PALLD: variants seen among roughly 807,000 people sequenced by gnomAD.
PALLD encodes the protein palladin, cytoskeletal associated protein.
In PALLD, 61 loss-of-function variants were observed where a neutral mutation model predicts 123.5. That is an observed-to-expected ratio of 0.49 (90% confidence interval 0.40 to 0.61). PALLD has a LOEUF of 0.61. Among genes scored for constraint, PALLD ranks in the 20% least tolerant of loss-of-function variants. The pLI is 0.00. For missense variants in PALLD, 1,273 were observed against 1,377.0 expected, an observed-to-expected ratio of 0.92 and a Z score of 1.20; for synonymous variants, 465 against 496.4, an observed-to-expected ratio of 0.94 and a Z score of 0.84.
intron 2 of PALLD, among the ~76,000 whole-genome samples, chr4:168,667,152 T>G (rs1239786117): frequency 6.6e-6 from 1 of 152,176 alleles, no homozygotes; most frequent in African/African-American, 2.4e-5. Context: ...TCAAATTAAA[T>G]TAGACAAAAA....
In PALLD at chr4:168,927,635, T is replaced by G; in HGVS notation, c.*1455T>G. 4.4e-6 allele frequency: 1 copy of G among 227,226 alleles called. No individual in the cohort carries two copies. Among genetic ancestry groups the G allele is most frequent in the Non-Finnish European group, 8.8e-6 (1 of 114,040 alleles). The allele number at this position is 227,226 out of a possible 1,614,324, so 14.1% of individuals were successfully genotyped here. On this transcript the variant is annotated 3_prime_UTR_variant, in exon 22 of 22. Coordinates refer to ENST00000505667, the MANE Select transcript of PALLD (RefSeq NM_001166108.2). ...CCAAGATGTGGTAAATGAAAATTAT[T>G]AGTTCACTTCCCTGCTGCCATGAAA...
intron 2 of PALLD, among the ~76,000 whole-genome samples, chr4:168,546,681 C>T (rs79438692): frequency 0.015 from 2,219 of 152,198 alleles, 32 homozygotes; most frequent in Non-Finnish European, 0.023. Flanking sequence ...TGAGGATACC[C>T]GCTGATACGT....
chr4:168,615,860 G>A (rs533304314), intron 2 of PALLD, among the ~76,000 whole-genome samples: 2 of 152,292 alleles, frequency 1.3e-5, no homozygotes, highest in Non-Finnish European at 2.9e-5. Flanking sequence ...TAGTCACACA[G>A]GGGAAGAATA....
At chr4:168,922,459 C>T (rs1008672690) in intron 18 of PALLD, among the ~76,000 whole-genome samples, 4 of 152,124 alleles carry the variant, frequency 2.6e-5, no homozygotes, top group African/African-American at 4.8e-5. Context: ...ATGAGATAAT[C>T]AGAGCAAATC....
chr4:168,895,357 G>A (rs369465788), intron 12 of PALLD, among the ~76,000 whole-genome samples: 1 of 152,196 alleles, frequency 6.6e-6, no homozygotes, highest in African/African-American at 2.4e-5. Context: ...ACTCCAGCCT[G>A]GCAGCAGAGT....
chr4:168,833,785 G>T (rs752856194), intron 10 of PALLD, among the ~76,000 whole-genome samples: 1 of 149,952 alleles, frequency 6.7e-6, no homozygotes, highest in Non-Finnish European at 1.5e-5. Flanking sequence ...TTCAGACTTG[G>T]CAGACTTTGA....
chr4:168,559,606 C>CAATA (rs1767656352), intron 2 of PALLD, among the ~76,000 whole-genome samples: 1 of 151,978 alleles, frequency 6.6e-6, no homozygotes, highest in South Asian at 2.1e-4. Flanking sequence ...ATCAAGAAAG[C>CAATA]AATACATAGG....
chr4:168,771,358 G>A (rs539041897), intron 10 of PALLD, among the ~76,000 whole-genome samples: 1 of 152,272 alleles, frequency 6.6e-6, no homozygotes, highest in Non-Finnish European at 1.5e-5. Context: ...ATGAACACAT[G>A]TATAATGTCT....
intron 2 of PALLD, among the ~76,000 whole-genome samples, chr4:168,597,735 G>T (rs1024847548): frequency 6.6e-6 from 1 of 151,824 alleles, no homozygotes; most frequent in African/African-American, 2.4e-5. Flanking sequence ...AAATTTTTAG[G>T]ATAGCTGATA....
intron 12 of PALLD, 93 bp downstream of exon 12, chr4:168,894,770 G>A: frequency 1.3e-6 from 2 of 1,545,438 alleles, no homozygotes; most frequent in South Asian, 2.4e-5. Flanking sequence ...TGAGTTCTGT[G>A]GAAAGTAGAG....
chr4:168,697,415 A>G (rs1783236860), intron 8 of PALLD, among the ~76,000 whole-genome samples: 1 of 152,250 alleles, frequency 6.6e-6, no homozygotes, highest in South Asian at 2.1e-4. Flanking sequence ...TGCATCAGGA[A>G]TGAAGGGCAA....
intron 10 of PALLD, among the ~76,000 whole-genome samples, chr4:168,859,851 A>G (rs1462391338): frequency 1.3e-5 from 2 of 152,234 alleles, no homozygotes; most frequent in East Asian, 1.9e-4. Flanking sequence ...GGAAAAAGAA[A>G]TTAATTTTAA....
In PALLD at chr4:168,781,705, A is replaced by G. The variant is rs117809723; in HGVS notation, c.1964+69782A>G. Among the ~76,000 whole-genome samples the G allele has an allele frequency of 2.1e-3, 325 of 152,302 alleles. 4 individuals are homozygous for G. In the East Asian group the frequency reaches 0.033, roughly 15 times the overall value. ...ATACCACTTTAGTAGGGCTGGTTAC[A>G]AGGTAGGATACCAGGAGAGGAATAT... On this transcript the variant is annotated intron_variant, in intron 10 of 21. Transcript: ENST00000505667.
At chr4:168,686,683 G>T (rs974204747) in intron 6 of PALLD, 1 of 152,158 alleles carries the variant, frequency 6.6e-6, no homozygotes, top group African/African-American at 2.4e-5. Context: ...GTATCATCTC[G>T]ATCTTAGTAT....
intron 8 of PALLD, among the ~76,000 whole-genome samples, chr4:168,698,981 C>T (rs1783420911): frequency 6.6e-6 from 1 of 152,086 alleles, no homozygotes; most frequent in African/African-American, 2.4e-5. Context: ...GATAGATACA[C>T]AGGGGTTCAT....
At chr4:168,732,684 G>A (rs190046809) in intron 10 of PALLD, among the ~76,000 whole-genome samples, 149 of 152,226 alleles carry the variant, frequency 9.8e-4, no homozygotes, top group African/African-American at 3.3e-3. Context: ...TTCTAATCTC[G>A]ACGTAATTCA....
chr4:168,563,178 CAGTT>C lies in PALLD; in HGVS notation c.908+50767_908+50770del, dbSNP rs576678225. Among the ~76,000 whole-genome samples the C allele has an allele frequency of 4.4e-3, 674 of 152,202 alleles. 7 individuals carry two copies. The highest frequency in any genetic ancestry group is 0.015 in the African/African-American group (640 of 41,538). ...TTTCACAGGCAGGTGGTTGAGAAGA[CAGTT>C]GGTGTCAAGCTTCTGTTTTAGACAT... On this transcript the variant is annotated intron_variant, in intron 2 of 21. Transcript: ENST00000505667.
chr4:168,848,742 G>A (rs1205087682), intron 10 of PALLD, among the ~76,000 whole-genome samples: 3 of 152,136 alleles, frequency 2.0e-5, no homozygotes, highest in Non-Finnish European at 4.4e-5. Flanking sequence ...ACCAAATAAT[G>A]ATCCTAAATC....
chr4:168,880,641 G>T (rs1752482744), intron 10 of PALLD, among the ~76,000 whole-genome samples: 1 of 152,142 alleles, frequency 6.6e-6, no homozygotes, highest in South Asian at 2.1e-4. Context: ...CAAATAATTT[G>T]CCAAAGATTG....
Sources: allele counts gnomAD v4.1 joint callset (sites outside exome capture counted in the v4.1 genomes callset), GRCh38; gene constraint gnomAD v4.1.1; transcripts MANE v1.5; gene names NCBI Gene and HGNC (gene_info 2026-07-23, HGNC 2026-07-21).